The following OXR1 variants were observed in gnomAD, a reference collection of about 807,000 sequenced individuals.
The protein encoded by OXR1 is oxidation resistance protein 1.
In OXR1, 41 loss-of-function variants were observed where a neutral mutation model predicts 104.6. That is an observed-to-expected ratio of 0.39 (90% confidence interval 0.31 to 0.51). The LOEUF is 0.51. Among genes scored for constraint, OXR1 ranks in the 20% least tolerant of loss-of-function variants. The pLI is 0.77. For synonymous variants in OXR1, 348 were observed against 348.4 expected, an observed-to-expected ratio of 1.00 and a Z score of 0.01; for missense variants, 955 against 1,031.9, an observed-to-expected ratio of 0.93 and a Z score of 1.02.
intron 3 of OXR1, among the ~76,000 whole-genome samples, chr8:106,606,496 G>C (rs1426568263): frequency 1.4e-5 from 2 of 139,558 alleles, no homozygotes; most frequent in Admixed American, 1.5e-4. Context: ...ATTTTTACTA[G>C]AAACAGGGTT....
intron 2 of OXR1, among the ~76,000 whole-genome samples, chr8:106,449,369 T>C (rs1820192401): frequency 6.6e-6 from 1 of 152,188 alleles, no homozygotes; most frequent in Non-Finnish European, 1.5e-5. Flanking sequence ...CCAATAGAAT[T>C]ACCAGAAACC....
intron 1 of OXR1, among the ~76,000 whole-genome samples, chr8:106,300,655 G>C (rs967595441): frequency 2.6e-5 from 4 of 152,110 alleles, no homozygotes; most frequent in African/African-American, 9.7e-5. Context: ...TGTGGCATAA[G>C]GACTGTGCTG....
At chr8:106,618,259 C>A in intron 3 of OXR1, 1 of 1,150,094 alleles carries the variant, frequency 8.7e-7, no homozygotes, top group Non-Finnish European at 1.3e-6. Context: ...TTAAAGGGCA[C>A]ACTTTATGTT....
intron 1 of OXR1, among the ~76,000 whole-genome samples, chr8:106,304,745 G>A (rs1257009057): frequency 1.3e-5 from 2 of 152,132 alleles, no homozygotes; most frequent in Non-Finnish European, 2.9e-5. Context: ...TAAGGGCTCA[G>A]TAGCCACATA....
At chr8:106,672,337 A>T (rs1037773025) in intron 3 of OXR1, among the ~76,000 whole-genome samples, 1 of 151,008 alleles carries the variant, frequency 6.6e-6, no homozygotes, top group African/African-American at 2.4e-5. Context: ...AAAAAAAAAA[A>T]TTAGCTGGGG....
At chr8:106,455,254 A>C (rs1820540240) in intron 2 of OXR1, among the ~76,000 whole-genome samples, 1 of 152,238 alleles carries the variant, frequency 6.6e-6, no homozygotes, top group Non-Finnish European at 1.5e-5. Context: ...GTCTTACAAA[A>C]TAAACAAATA....
chr8:106,487,384 T>C (rs1216010419), intron 2 of OXR1, among the ~76,000 whole-genome samples: 1 of 150,698 alleles, frequency 6.6e-6, no homozygotes, highest in Non-Finnish European at 1.5e-5. Flanking sequence ...TTTTTATGGA[T>C]ACATAACAAT....
intron 2 of OXR1, 78 bp downstream of exon 2, chr8:106,359,714 C>A: frequency 9.5e-7 from 1 of 1,049,402 alleles, no homozygotes; most frequent in Non-Finnish European, 1.4e-6. Context: ...GTCGTACAGG[C>A]AGAACTTGGG....
intron 2 of OXR1, among the ~76,000 whole-genome samples, chr8:106,436,918 C>G (rs557375151): frequency 6.6e-6 from 1 of 152,102 alleles, no homozygotes; most frequent in South Asian, 2.1e-4. Flanking sequence ...CAATGCAACT[C>G]AAACCCCAAA....
intron 3 of OXR1, among the ~76,000 whole-genome samples, chr8:106,653,341 A>G (rs1824779725): frequency 6.6e-6 from 1 of 151,822 alleles, no homozygotes; most frequent in Non-Finnish European, 1.5e-5. Flanking sequence ...TGTAATATCT[A>G]TTATGAATAT....
chr8:106,663,137 G>A (rs888967398), intron 3 of OXR1, among the ~76,000 whole-genome samples: 2 of 152,130 alleles, frequency 1.3e-5, no homozygotes, highest in Non-Finnish European at 2.9e-5. Context: ...TAGCAAGAAT[G>A]ATAGCTGTAA....
At chr8:106,291,991 C>T (rs1347509119) in intron 1 of OXR1, among the ~76,000 whole-genome samples, 1 of 152,172 alleles carries the variant, frequency 6.6e-6, no homozygotes, top group Non-Finnish European at 1.5e-5. Context: ...AGCTACAATT[C>T]ATGATGAGAT....
rs183819371 is a variant in OXR1, at chr8:106,661,539, A to G, written c.221-17671A>G. ...ATAGCTCTTGTTTGGGGGCATAACT[A>G]TAACTCATAATGTATAATCTTTAAA... On this transcript the variant is annotated intron_variant, in intron 3 of 16. Coordinates refer to ENST00000517566, the MANE Select transcript of OXR1 (RefSeq NM_001198533.2). Among the ~76,000 whole-genome samples, 141 of 152,364 alleles carry G rather than the reference A, an allele frequency of 9.3e-4. 1 individual carries two copies. Among genetic ancestry groups the G allele is most frequent in the Middle Eastern group, 3.4e-3 (1 of 294 alleles).
intron 3 of OXR1, among the ~76,000 whole-genome samples, chr8:106,555,958 A>ATAT (rs34515883): frequency 0.92 from 134,038 of 145,868 alleles, 61,666 homozygotes; most frequent in East Asian, 1. Flanking sequence ...ACACAATGGA[A>ATAT]TATTAAACTA....
At chr8:106,740,309 T>G in intron 13 of OXR1, 34 bp from the exon 14 acceptor site, 1 of 1,576,208 alleles carries the variant, frequency 6.3e-7, no homozygotes, top group Non-Finnish European at 8.6e-7. Context: ...AACAACAAGC[T>G]ATCAAGTAAA....
chr8:106,723,135 T>C (rs776939), intron 11 of OXR1, among the ~76,000 whole-genome samples: 91,921 of 151,392 alleles, frequency 0.61, 28,707 homozygotes, highest in African/African-American at 0.76. Flanking sequence ...GCAAGCAGAT[T>C]ACCTGAGGTC....
intron 3 of OXR1, among the ~76,000 whole-genome samples, chr8:106,548,010 A>G (rs1192927524): frequency 5.3e-5 from 8 of 152,092 alleles, no homozygotes; most frequent in Non-Finnish European, 1.2e-4. Context: ...CCTGGATCCT[A>G]TGGAAATTCT....
intron 3 of OXR1, among the ~76,000 whole-genome samples, chr8:106,534,961 T>G (rs1007862110): frequency 6.6e-6 from 1 of 152,210 alleles, no homozygotes; most frequent in South Asian, 2.1e-4. Context: ...AGGTTTTTTT[T>G]GTTTTGTTTT....
intron 3 of OXR1, among the ~76,000 whole-genome samples, chr8:106,659,098 C>G (rs1193196446): frequency 6.6e-6 from 1 of 152,150 alleles, no homozygotes; most frequent in Non-Finnish European, 1.5e-5. Flanking sequence ...AACTCCACAT[C>G]GTGCCAGTCA....
Sources: allele counts gnomAD v4.1 joint callset (sites outside exome capture counted in the v4.1 genomes callset), GRCh38; gene constraint gnomAD v4.1.1; transcripts MANE v1.5; gene names NCBI Gene and HGNC (gene_info 2026-07-23, HGNC 2026-07-21).